The following FBN3 variants were observed in gnomAD, a reference collection of about 807,000 sequenced individuals.
FBN3 encodes the protein fibrillin 3.
FBN3 carries 234 observed loss-of-function variants against 330.1 expected under a neutral mutation model. The ratio of observed to expected loss-of-function variants is 0.71; its 90% CI spans 0.64 to 0.79. The LOEUF (loss-of-function observed/expected upper bound fraction) is 0.79. FBN3 is among the 30% of genes least tolerant of loss of function. The pLI, the probability that FBN3 is intolerant of heterozygous loss-of-function variation, is 0.00. For synonymous variants in FBN3, 1,458 were observed against 1,517.3 expected (o/e 0.96, Z 0.91); for missense variants, 3,606 against 3,886.9 (o/e 0.93, Z 1.92).
At position 8,086,226 on chromosome 19, in the gene FBN3, G is replaced by T; in HGVS notation, c.6854C>A (p.Pro2285His). ...FRCDCDEGFQPSPTLTECHDI... is the reference protein window; with the variant it reads ...FRCDCDEGFQHSPTLTECHDI... ...GTGGCACTCGGTAAGGGTGGGGCTG[G>T]GCTGGAATCCCTCATCACAGTCGCA... The change falls in exon 55 of 64, where the codon CCC (proline) becomes CAC (histidine). Residue 2285 changes from proline (P) to histidine (H), a missense_variant. By Grantham distance (77) the Pro-to-His change is moderately conservative. Coordinates refer to ENST00000600128, the MANE Select transcript of FBN3 (RefSeq NM_032447.5). 6.2e-7 allele frequency: 1 copy of T among 1,610,482 alleles called. No homozygotes were observed. Among genetic ancestry groups the T allele is most frequent in the Non-Finnish European group, 8.5e-7 (1 of 1,178,176 alleles).
rs1404188755 is a variant in FBN3 at position 8,121,971 on chromosome 19, AC to A, written c.3083-586del. 6.6e-6 allele frequency among the ~76,000 whole-genome samples: 1 copy of A among 151,476 alleles called. No individual in the cohort carries two copies. The highest frequency in any genetic ancestry group is 1.9e-4 in the East Asian group (1 of 5,140). On this transcript the variant is annotated intron_variant, in intron 24 of 63. Transcript: ENST00000600128. The surrounding 1 kb of genome is among the most constrained non-coding windows in gnomAD (Gnocchi z 4.5). Reference sequence around the variant, plus strand: ...GCCATGTTGGCCAGGCTGGTCTCAAACTCCTGACCTAAAGCAGTCCACCCGC... The same window carrying A: ...GCCATGTTGGCCAGGCTGGTCTCAAATCCTGACCTAAAGCAGTCCACCCGC...
At chr19:8,141,064 G>A (rs899360322) in intron 8 of FBN3, among the ~76,000 whole-genome samples, 3 of 151,498 alleles carry the variant, frequency 2.0e-5, no homozygotes, top group African/African-American at 7.3e-5. Context: ...GCGTGGTAGC[G>A]GGCGCCTGTA....
At chr19:8,089,823 A>G (rs2082052631) in intron 50 of FBN3, 71 bp downstream of exon 50, 7 of 1,527,468 alleles carry the variant, frequency 4.6e-6, no homozygotes, top group Non-Finnish European at 6.2e-6. Context: ...TGAAACTCAG[A>G]GACCCAGGCA....
chr19:8,141,023 T>C lies in FBN3; in HGVS notation c.865+694A>G, dbSNP rs1341743799. 2.7e-5 allele frequency among the ~76,000 whole-genome samples: 4 copies of C among 150,938 alleles called. No individual in the cohort carries two copies. The East Asian group carries it at 7.8e-4, about 29-fold the overall frequency. ...CTGGCTAACACGGTGAAACCCCGTC[T>C]CTACTAAAAAAATACAAAAAAATTA... On this transcript the variant is annotated intron_variant, in intron 8 of 63. Coordinates refer to ENST00000600128, the MANE Select transcript of FBN3 (RefSeq NM_032447.5).
rs774427037 is a variant in FBN3, at chr19:8,138,549, G to A, written c.881C>T (p.Ala294Val). 1 of 1,609,752 alleles carries A rather than the reference G, an allele frequency of 6.2e-7. No individual in the cohort carries two copies. ...GCCCCCGAAAAGCACTGAGAAGCAG[G>A]CGCCGGCCCGGTAGTCTGCAAAAGA... ...SAACEDYRAGACFSVLFGGRC... is the reference protein window; with the variant it reads ...SAACEDYRAGVCFSVLFGGRC... Residue 294 changes from alanine (A) to valine (V), a missense_variant, in exon 9 of 64, where the codon GCC becomes GTC. Coordinates refer to ENST00000600128, the MANE Select transcript of FBN3 (RefSeq NM_032447.5).
intron 57 of FBN3, 95 bp downstream of exon 57, chr19:8,083,149 CATT>C (rs1276619257): frequency 9.7e-6 from 14 of 1,441,550 alleles, no homozygotes; most frequent in Non-Finnish European, 2.9e-6. Flanking sequence ...GAAAGCCTAA[CATT>C]GCAAAGTGGA....
chr19:8,141,018 C>T (rs1300367951), intron 8 of FBN3, among the ~76,000 whole-genome samples: 2 of 151,532 alleles, frequency 1.3e-5, no homozygotes, highest in East Asian at 1.9e-4. Context: ...CGGTGAAACC[C>T]CGTCTCTACT....
rs1457224009 is a variant in FBN3, at chr19:8,138,256, G to T, written c.1086C>A (p.Gly362=). The T allele has an allele frequency of 1.2e-5, 20 of 1,611,976 alleles. No homozygotes were observed. The highest frequency in any genetic ancestry group is 1.7e-5 in the Non-Finnish European group (20 of 1,179,486). ...LLPGHPGLFP[G]LLGFGSNGMG... ...TGCCATTGGATCCGAAGCCCAGGAG[G>T]CCAGGGAAGAGGCCAGGGTGGCCGG... The change falls in exon 10 of 64, where the codon GGC becomes GGA. Residue 362 remains glycine, a synonymous_variant. Coordinates refer to ENST00000600128, the MANE Select transcript of FBN3 (RefSeq NM_032447.5).
At chr19:8,132,830 T>C (rs2083180374) in intron 14 of FBN3, among the ~76,000 whole-genome samples, 154 bp downstream of exon 14, 2 of 151,994 alleles carry the variant, frequency 1.3e-5, no homozygotes, top group South Asian at 4.1e-4. Context: ...CTTCTCCCCT[T>C]TTCCCTCCTC....
chr19:8,116,568 G>A, intron 29 of FBN3, 106 bp downstream of exon 29: 1 of 1,197,636 alleles, frequency 8.3e-7, no homozygotes, highest in South Asian at 1.4e-5. Context: ...GGCAGGGGTG[G>A]GGCCTGGCAT....
chr19:8,119,087 G>A, intron 25 of FBN3, 65 bp from the exon 26 acceptor site: 2 of 1,519,812 alleles, frequency 1.3e-6, no homozygotes, highest in South Asian at 1.2e-5. Context: ...GGGTGATGAG[G>A]CTCATGCTGG....
chr19:8,109,322 G>A lies in FBN3; in HGVS notation c.4523C>T (p.Ala1508Val). Reference sequence around the variant, plus strand: ...TCGGGTGACACCAACTCCGATCTCGGCACTGCAGGAAATGCCACTGTCCCC... The same window carrying A: ...TCGGGTGACACCAACTCCGATCTCGACACTGCAGGAAATGCCACTGTCCCC... ...DRGDSGISCS[A>V]EIGVGVTRAS... The change falls in exon 36 of 64, where the codon GCC (alanine) becomes GTC (valine). Residue 1508 changes from alanine to valine, a missense_variant. By Grantham distance (64) the Ala-to-Val change is moderately conservative (BLOSUM62 0). Coordinates refer to ENST00000600128, the MANE Select transcript of FBN3 (RefSeq NM_032447.5). This position sits in a 1 kb window ranked among gnomAD's most constrained non-coding sequence, Gnocchi z 5.2. 6.2e-7 allele frequency: 1 copy of A among 1,614,176 alleles called. No homozygotes were observed.
At chr19:8,095,332 A>C (rs1283075573) in intron 46 of FBN3, 43 bp downstream of exon 46, 1 of 1,593,010 alleles carries the variant, frequency 6.3e-7, no homozygotes, top group Non-Finnish European at 8.6e-7. Flanking sequence ...TACATGGAGC[A>C]GGGGCTGGCT....
At chr19:8,098,429 CTGGAAA>C in intron 41 of FBN3, among the ~76,000 whole-genome samples, 1 of 147,270 alleles carries the variant, frequency 6.8e-6, no homozygotes, top group Middle Eastern at 3.6e-3. Flanking sequence ...CAGTGGGGGA[CTGGAAA>C]CAAACTAAGT....
At chr19:8,144,382 A>C (rs1258061551) in intron 6 of FBN3, among the ~76,000 whole-genome samples, 1 of 140,334 alleles carries the variant, frequency 7.1e-6, no homozygotes, top group Non-Finnish European at 1.6e-5. Context: ...GAAAGAGCAA[A>C]ACTTTGTCTC....
chr19:8,075,178 C>A lies in FBN3; in HGVS notation c.7595G>T (p.Cys2532Phe). 6.4e-7 allele frequency: 1 copy of A among 1,567,622 alleles called. No homozygotes were observed. Among genetic ancestry groups the A allele is most frequent in the South Asian group, 1.2e-5 (1 of 84,256 alleles). ...ATGCTGGCAGCGGTGGGGCCCATCA[C>A]ATTCATTCACATCTGAGACATAGAG... Reference protein sequence around the residue: ...SGHGCEDVNECDGPHRCQHGC... With the variant: ...SGHGCEDVNEFDGPHRCQHGC... The change falls in exon 61 of 64, where the codon TGT (cysteine) becomes TTT (phenylalanine). Residue 2532 changes from cysteine to phenylalanine, a missense_variant. Cys to Phe is a radical substitution (Grantham distance 205). Coordinates refer to ENST00000600128, the MANE Select transcript of FBN3 (RefSeq NM_032447.5).
In FBN3 at chr19:8,095,435, A is replaced by C. The variant is rs925392638; in HGVS notation, c.5725T>G (p.Ser1909Ala). The change falls in exon 46 of 64, where the codon TCC becomes GCC. Residue 1909 changes from serine (S) to alanine (A), a missense_variant. Transcript: ENST00000600128. ...CCATCCTGGCAGAGGCAGTGGAAGGAACCAGCTGTGTTGAGGCAATGGCCA... is the reference window on the plus strand; with the variant it reads ...CCATCCTGGCAGAGGCAGTGGAAGGCACCAGCTGTGTTGAGGCAATGGCCA... ...RFGHCLNTAG[S>A]FHCLCQDGFE... is the part of the protein sequence containing the mutation. 2 of 1,613,670 alleles carry C rather than the reference A, an allele frequency of 1.2e-6. No individual in the cohort carries two copies. Among genetic ancestry groups the C allele is most frequent in the Non-Finnish European group, 1.7e-6 (2 of 1,179,814 alleles).
chr19:8,080,111 C>T lies in FBN3; in HGVS notation c.7453+892G>A, dbSNP rs73923965. 1.4e-3 allele frequency among the ~76,000 whole-genome samples: 217 copies of T among 152,318 alleles called. 2 individuals are homozygous for T. The highest frequency in any genetic ancestry group is 4.7e-3 in the African/African-American group (194 of 41,568). On this transcript the variant is annotated intron_variant, in intron 59 of 63. Transcript: ENST00000600128. ...GCAGCCACAGGTGATTGTAAGCAAGCGGGCTTGGCTGTGTGTCAATCAAAC... is the reference window on the plus strand; with the variant it reads ...GCAGCCACAGGTGATTGTAAGCAAGTGGGCTTGGCTGTGTGTCAATCAAAC...
chr19:8,146,582 C>T, intron 3 of FBN3, among the ~76,000 whole-genome samples: 1 of 151,868 alleles, frequency 6.6e-6, no homozygotes, highest in East Asian at 1.9e-4. Context: ...GAGACAGAAA[C>T]AGAAAGAGAG....
Sources: allele counts gnomAD v4.1 joint callset (sites outside exome capture counted in the v4.1 genomes callset), GRCh38; gene constraint gnomAD v4.1.1; non-coding constraint Gnocchi (gnomAD v3.1); transcripts MANE v1.5; gene names NCBI Gene and HGNC (gene_info 2026-07-23, HGNC 2026-07-21).